The following CNTN5 variants were observed in gnomAD, a reference collection of about 807,000 sequenced individuals.
CNTN5 encodes the protein contactin 5.
Under a neutral mutation model 129.1 loss-of-function variants are expected in CNTN5, and 77 were observed. That is an observed-to-expected ratio of 0.60 (90% CI 0.50 to 0.72). The LOEUF (loss-of-function observed/expected upper bound fraction) is 0.72, where lower values mean the gene tolerates loss of function less well. Among genes scored for constraint, CNTN5 ranks in the 30% least tolerant of loss-of-function variants. CNTN5 has a pLI of 0.00. For missense variants in CNTN5, 1,478 were observed against 1,328.8 expected (o/e 1.11, Z -1.75); for synonymous variants, 509 against 465.6 (o/e 1.09, Z -1.20).
At chr11:100,342,010 G>T (rs1952172664) in intron 23 of CNTN5, among the ~76,000 whole-genome samples, 1 of 151,800 alleles carries the variant, frequency 6.6e-6, no homozygotes, top group Non-Finnish European at 1.5e-5. Context: ...ATCAGAGATG[G>T]TAACACAGTA....
chr11:100,197,415 T>G (rs1278507810), intron 15 of CNTN5, among the ~76,000 whole-genome samples: 4 of 152,010 alleles, frequency 2.6e-5, no homozygotes, highest in African/African-American at 9.7e-5. Flanking sequence ...GGATTTTACA[T>G]TCAGTGTAGA....
intron 6 of CNTN5, among the ~76,000 whole-genome samples, chr11:99,859,442 C>T (rs555341286): frequency 1.3e-5 from 2 of 152,262 alleles, no homozygotes; most frequent in South Asian, 2.1e-4. Context: ...GTTTGGGTTA[C>T]GGGTGGTCCC....
Position 100,045,610 on chromosome 11 carries a change from T to G in CNTN5, c.981-15602T>G, listed in dbSNP as rs1032771317. Among the ~76,000 whole-genome samples the G allele has an allele frequency of 4.0e-5, 6 of 151,696 alleles. 1 individual carries two copies. The highest frequency in any genetic ancestry group is 8.8e-5 in the Non-Finnish European group (6 of 67,920). On this transcript the variant is annotated intron_variant, in intron 9 of 24. Transcript: ENST00000524871. The stretch of plus-strand genomic sequence containing the variant: ...TTTGCATAAACAACTGGCAAAAATA[T>G]AAGGCTGACAAAAAGAAGTCATTTT...
intron 1 of CNTN5, among the ~76,000 whole-genome samples, chr11:99,257,709 G>A (rs1424525600): frequency 6.6e-6 from 1 of 152,000 alleles, no homozygotes; most frequent in African/African-American, 2.4e-5. Flanking sequence ...GTCTTCTAAT[G>A]TGTATGTCTT....
intron 13 of CNTN5, among the ~76,000 whole-genome samples, chr11:100,098,312 T>C (rs1271796092): frequency 1.3e-5 from 2 of 152,020 alleles, no homozygotes; most frequent in African/African-American, 4.8e-5. Context: ...TAGTGATTAC[T>C]TACATTATAA....
chr11:99,795,945 G>A (rs1260624635), intron 3 of CNTN5, among the ~76,000 whole-genome samples: 1 of 152,188 alleles, frequency 6.6e-6, no homozygotes, highest in South Asian at 2.1e-4. Flanking sequence ...AGTGGGATCT[G>A]TCCTCATTCC....
intron 9 of CNTN5, among the ~76,000 whole-genome samples, chr11:100,042,520 G>T (rs1388308222): frequency 6.6e-6 from 1 of 152,152 alleles, no homozygotes; most frequent in East Asian, 1.9e-4. Flanking sequence ...ATAGTGATTT[G>T]CAGTTGGGGA....
chr11:99,845,023 A>C, intron 5 of CNTN5, 48 bp downstream of exon 5: 2 of 1,609,460 alleles, frequency 1.2e-6, no homozygotes, highest in Non-Finnish European at 1.7e-6. Flanking sequence ...AAAACTTTCC[A>C]TCAATGATAT....
chr11:99,275,345 A>T (rs1004692981), intron 1 of CNTN5, among the ~76,000 whole-genome samples: 2 of 151,508 alleles, frequency 1.3e-5, no homozygotes, highest in Non-Finnish European at 3.0e-5. Context: ...AAGTAAAATT[A>T]TGATTTTGCT....
intron 13 of CNTN5, among the ~76,000 whole-genome samples, chr11:100,171,598 G>A (rs893401146): frequency 2.0e-5 from 3 of 151,946 alleles, no homozygotes; most frequent in Admixed American, 1.3e-4. Flanking sequence ...TACTGAAAAA[G>A]TTATCAGTTT....
intron 2 of CNTN5, among the ~76,000 whole-genome samples, chr11:99,549,430 A>G (rs1948409760): frequency 6.6e-6 from 1 of 152,144 alleles, no homozygotes. Flanking sequence ...TTGGTCCCCC[A>G]CTTCCAAAGC....
chr11:100,000,483 G>C (rs944146744), intron 8 of CNTN5, among the ~76,000 whole-genome samples: 8 of 152,210 alleles, frequency 5.3e-5, no homozygotes, highest in Non-Finnish European at 1.2e-4. Context: ...CTCTGCCCCT[G>C]TGGTTCTGCA....
chr11:100,025,071 T>C (rs1188450503), intron 9 of CNTN5, among the ~76,000 whole-genome samples: 2 of 152,206 alleles, frequency 1.3e-5, no homozygotes, highest in East Asian at 1.9e-4. Context: ...AGGTCTTCAC[T>C]GCAACCCTTC....
chr11:99,468,344 T>G (rs1030187412), intron 2 of CNTN5, among the ~76,000 whole-genome samples: 2 of 152,180 alleles, frequency 1.3e-5, no homozygotes, highest in Non-Finnish European at 2.9e-5. Flanking sequence ...TAGCATAGTA[T>G]CAACACAAAC....
rs181161485 is a variant in CNTN5 at position 99,788,370 on chromosome 11, C to T, written c.56-31174C>T. ...AAAAACTGTCTTGGGCAATAAAAGC[C>T]AGTAGCTCTTAGAGGTGAACACGCT... On this transcript the variant is annotated intron_variant, in intron 3 of 24. Coordinates refer to ENST00000524871, the MANE Select transcript of CNTN5 (RefSeq NM_014361.4). Among the ~76,000 whole-genome samples the T allele has an allele frequency of 1.1e-3, 165 of 151,984 alleles. 1 individual carries two copies. Among genetic ancestry groups the T allele is most frequent in the African/African-American group, 3.9e-3 (161 of 41,522 alleles).
chr11:99,260,832 T>A (rs1419471654), intron 1 of CNTN5, among the ~76,000 whole-genome samples: 1 of 151,916 alleles, frequency 6.6e-6, no homozygotes, highest in Non-Finnish European at 1.5e-5. Context: ...TTAGTATCAG[T>A]GGGACTTGTG....
intron 3 of CNTN5, among the ~76,000 whole-genome samples, chr11:99,811,084 T>C (rs1182084087): frequency 2.6e-5 from 4 of 152,146 alleles, no homozygotes; most frequent in African/African-American, 9.6e-5. Flanking sequence ...ATGATTTATA[T>C]GAATATCTGT....
chr11:99,921,261 A>C (rs1172707693), intron 7 of CNTN5, among the ~76,000 whole-genome samples: 2 of 152,152 alleles, frequency 1.3e-5, no homozygotes, highest in Non-Finnish European at 2.9e-5. Flanking sequence ...ATTTGCCTCC[A>C]ATTGATCTGT....
In CNTN5 at chr11:99,848,576, A is replaced by T. The variant is rs186512795; in HGVS notation, c.577+3314A>T. On this transcript the variant is annotated intron_variant, in intron 6 of 24. Transcript: ENST00000524871. ...AATTTATTAAATGTTTTAAAATCAG[A>T]CTAAATTTATAAATCGTCAAAATGA... Among the ~76,000 whole-genome samples, 1,033 of 152,282 alleles carry T rather than the reference A, an allele frequency of 6.8e-3. 17 individuals carry two copies. The highest frequency in any genetic ancestry group is 0.024 in the African/African-American group (985 of 41,556).
Sources: gnomAD v4.1 joint callset for allele counts (sites outside exome capture counted in the v4.1 genomes callset) on GRCh38, gnomAD v4.1.1 for gene constraint, MANE v1.5 for transcripts, NCBI Gene and HGNC (gene_info 2026-07-23, HGNC 2026-07-21) for gene names.